Variants in SNCAIP observed in about 807,000 individuals in gnomAD.
The protein encoded by SNCAIP is synuclein alpha interacting protein.
A neutral mutation model predicts 86.7 loss-of-function variants in SNCAIP; 43 were observed. The ratio of observed to expected loss-of-function variants is 0.50; its 90% confidence interval spans 0.39 to 0.64. SNCAIP has a LOEUF of 0.64. Among genes scored for constraint, SNCAIP ranks in the 30% least tolerant of loss-of-function variants. The pLI is 0.00. For missense variants in SNCAIP, 981 were observed against 1,103.1 expected (o/e 0.89, Z 1.57); for synonymous variants, 417 against 427.2 (o/e 0.98, Z 0.29).
chr5:122,407,948 T>C (rs1037155063), intron 3 of SNCAIP, among the ~76,000 whole-genome samples: 3 of 152,274 alleles, frequency 2.0e-5, no homozygotes, highest in South Asian at 4.2e-4. Flanking sequence ...TCAGTGTTCG[T>C]TGAATTTCCA....
At chr5:122,439,937 C>G (rs1381186189) in intron 6 of SNCAIP, among the ~76,000 whole-genome samples, 1 of 152,152 alleles carries the variant, frequency 6.6e-6, no homozygotes, top group East Asian at 1.9e-4. Context: ...TGCTCTATGT[C>G]TTTGCTTTTG....
intron 1 of SNCAIP, among the ~76,000 whole-genome samples, chr5:122,375,808 G>A (rs1293031651): frequency 6.6e-6 from 1 of 152,096 alleles, no homozygotes; most frequent in Non-Finnish European, 1.5e-5. Context: ...CATGGGAAAT[G>A]CTTAGTTGAG....
At chr5:122,337,427 G>C (rs76458655) in intron 1 of SNCAIP, among the ~76,000 whole-genome samples, 2 of 152,048 alleles carry the variant, frequency 1.3e-5, no homozygotes, top group Admixed American at 6.6e-5. Context: ...CTCTTTTACC[G>C]AGAGAAATAG....
intron 1 of SNCAIP, among the ~76,000 whole-genome samples, chr5:122,359,062 T>C (rs1439367480): frequency 1.3e-5 from 2 of 151,946 alleles, no homozygotes; most frequent in African/African-American, 4.8e-5. Flanking sequence ...TTATATAAGG[T>C]TTTCAAAGAA....
chr5:122,381,975 T>G (rs1766930331), intron 1 of SNCAIP, among the ~76,000 whole-genome samples: 2 of 152,274 alleles, frequency 1.3e-5, no homozygotes, highest in South Asian at 4.2e-4. Context: ...GCCCTTAACA[T>G]TTTTTCCTTC....
At chr5:122,451,927 C>G (rs1337735149) in intron 10 of SNCAIP, 2 of 278,008 alleles carry the variant, frequency 7.2e-6, no homozygotes, top group Non-Finnish European at 1.4e-5. Flanking sequence ...AAGATGAAAC[C>G]ACCAATTAGC....
intron 10 of SNCAIP, among the ~76,000 whole-genome samples, chr5:122,462,068 A>G (rs1167606914): frequency 6.6e-6 from 1 of 152,202 alleles, no homozygotes; most frequent in Non-Finnish European, 1.5e-5. Context: ...CGCACTGTAC[A>G]CACAGTTTTG....
chr5:122,459,780 T>C (rs36060865), intron 10 of SNCAIP, among the ~76,000 whole-genome samples: 1 of 152,220 alleles, frequency 6.6e-6, no homozygotes, highest in African/African-American at 2.4e-5. Context: ...TAATTTATTG[T>C]TAAAGTGATA....
At chr5:122,323,108 A>G (rs996873641) in intron 1 of SNCAIP, among the ~76,000 whole-genome samples, 3 of 152,214 alleles carry the variant, frequency 2.0e-5, no homozygotes, top group African/African-American at 7.2e-5. Context: ...TTTTAACCAT[A>G]GAATTCCAAT....
chr5:122,321,658 GAGT>G (rs1347790983), intron 1 of SNCAIP: 1 of 152,218 alleles, frequency 6.6e-6, no homozygotes, highest in African/African-American at 2.4e-5. Flanking sequence ...GTAACTCCAG[GAGT>G]TGAAGGGCTT....
rs113436548 is a variant in SNCAIP at position 122,330,464 on chromosome 5, G to C, written c.-47+18180G>C. On this transcript the variant is annotated intron_variant, in intron 1 of 10. Coordinates refer to ENST00000261368, the MANE Select transcript of SNCAIP (RefSeq NM_005460.4). ...GAGAAAGTGAGCAGTTACAGCATTT[G>C]TATTTCAACTTATATTTTCACCTGG... is the stretch of plus-strand genomic sequence containing the variant. Among the ~76,000 whole-genome samples the C allele has an allele frequency of 6.3e-4, 96 of 152,268 alleles. 3 individuals are homozygous for C. The highest frequency in any genetic ancestry group is 2.2e-3 in the African/African-American group (90 of 41,552).
At chr5:122,331,989 A>G (rs1489811832) in intron 1 of SNCAIP, among the ~76,000 whole-genome samples, 1 of 152,262 alleles carries the variant, frequency 6.6e-6, no homozygotes, top group Non-Finnish European at 1.5e-5. Context: ...CCTGCACTTA[A>G]TAAACAATCC....
At chr5:122,398,891 T>C (rs1280671026) in intron 2 of SNCAIP, among the ~76,000 whole-genome samples, 1 of 152,144 alleles carries the variant, frequency 6.6e-6, no homozygotes, top group East Asian at 1.9e-4. Context: ...ATCTCATGCA[T>C]GTTCCAACTG....
At chr5:122,350,584 T>A (rs1359689833) in intron 1 of SNCAIP, among the ~76,000 whole-genome samples, 1 of 152,084 alleles carries the variant, frequency 6.6e-6, no homozygotes, top group Non-Finnish European at 1.5e-5. Context: ...GTTTTTTAGC[T>A]CAGACTCTGA....
At chr5:122,348,717 T>C (rs1028360239) in intron 1 of SNCAIP, among the ~76,000 whole-genome samples, 2 of 152,046 alleles carry the variant, frequency 1.3e-5, no homozygotes, top group Admixed American at 1.3e-4. Flanking sequence ...CAATGAACAA[T>C]TGAAAATTAG....
In SNCAIP at chr5:122,449,941, A is replaced by G. The variant is rs763146389; in HGVS notation, c.1685+4A>G. ...AGTCACTCCCTTCTTCACCCAGGTA[A>G]TACCAGCACATTGTTGTTTAGCATT... On this transcript the variant is annotated splice_donor_region_variant and intron_variant, in intron 9 of 10. Transcript: ENST00000261368. 1.1e-5 allele frequency: 17 copies of G among 1,583,368 alleles called. No individual in the cohort carries two copies. The highest frequency in any genetic ancestry group is 1.5e-5 in the Non-Finnish European group (17 of 1,152,124).
chr5:122,411,313 A>G (rs10060298), intron 3 of SNCAIP, among the ~76,000 whole-genome samples: 5,823 of 152,234 alleles, frequency 0.038, 364 homozygotes, highest in African/African-American at 0.13. Context: ...CCTTCTCACA[A>G]GTCCCCATCC....
At chr5:122,452,324 C>A (rs1309650466) in intron 10 of SNCAIP, among the ~76,000 whole-genome samples, 2 of 152,072 alleles carry the variant, frequency 1.3e-5, no homozygotes, top group Admixed American at 6.5e-5. Context: ...TTCCTGCAAG[C>A]TTTGTGCTTG....
chr5:122,442,112 C>CTTTTTTTTTTT (rs10688988), intron 7 of SNCAIP, among the ~76,000 whole-genome samples: 4 of 65,722 alleles, frequency 6.1e-5, no homozygotes, highest in Non-Finnish European at 8.4e-5. Flanking sequence ...AAGCAGTACT[C>CTTTTTTTTTTT]TTTTTTTTTT....
Sources: gnomAD v4.1 joint callset for allele counts (sites outside exome capture counted in the v4.1 genomes callset) on GRCh38, gnomAD v4.1.1 for gene constraint, MANE v1.5 for transcripts, NCBI Gene and HGNC (gene_info 2026-07-23, HGNC 2026-07-21) for gene names.